Variants in SPMIP4 observed in about 807,000 individuals in gnomAD.
The protein encoded by SPMIP4 is sperm-associated microtubule inner protein 4.
chr7:25,128,930 T>G, the SPMIP4 span, among the ~76,000 whole-genome samples: 2 of 152,200 alleles, frequency 1.3e-5, no homozygotes, highest in African/African-American at 4.8e-5. This position sits in a 1 kb window ranked among gnomAD's most constrained non-coding sequence, Gnocchi z 4.5. Context: ...CTCTAGAAAT[T>G]TCATGTGGGG....
At chr7:25,150,025 T>C in the SPMIP4 span, among the ~76,000 whole-genome samples, 1 of 152,120 alleles carries the variant, frequency 6.6e-6, no homozygotes, top group Non-Finnish European at 1.5e-5. Flanking sequence ...CAGAGAGGCC[T>C]TGGGAGGAGG....
the SPMIP4 span, among the ~76,000 whole-genome samples, chr7:25,152,051 TTAACCC>T: frequency 6.6e-6 from 1 of 152,322 alleles, no homozygotes. Flanking sequence ...GAATGAGTCT[TTAACCC>T]TAGTGCTCTC....
chr7:25,139,415 T>TA, the SPMIP4 span, among the ~76,000 whole-genome samples: 15 of 152,078 alleles, frequency 9.9e-5, no homozygotes, highest in Non-Finnish European at 1.5e-4. Flanking sequence ...TTTTTTTTTT[T>TA]ACTTTTCTGT....
the SPMIP4 span, among the ~76,000 whole-genome samples, chr7:25,162,001 T>C: frequency 2.0e-5 from 3 of 152,114 alleles, no homozygotes; most frequent in African/African-American, 7.2e-5. Context: ...CTGGGAGTGG[T>C]GGCTCACGCC....
the SPMIP4 span, chr7:25,136,518 A>G: frequency 6.2e-7 from 1 of 1,614,196 alleles, no homozygotes; most frequent in Non-Finnish European, 8.5e-7. This position sits in a 1 kb window ranked among gnomAD's most constrained non-coding sequence, Gnocchi z 5.7. Context: ...ATGGGAGTTC[A>G]TAGGTAGACA....
the SPMIP4 span, among the ~76,000 whole-genome samples, chr7:25,177,654 G>A: frequency 6.6e-6 from 1 of 152,110 alleles, no homozygotes; most frequent in Non-Finnish European, 1.5e-5. Flanking sequence ...TTACTTGTGT[G>A]TATCTGTTAT....
chr7:25,159,701 A>C, the SPMIP4 span, among the ~76,000 whole-genome samples: 2 of 152,196 alleles, frequency 1.3e-5, no homozygotes, highest in Non-Finnish European at 2.9e-5. Flanking sequence ...ATGAACTATA[A>C]AAGTTTATAT....
the SPMIP4 span, among the ~76,000 whole-genome samples, chr7:25,166,217 T>C: frequency 2.5e-5 from 3 of 121,726 alleles, no homozygotes. Flanking sequence ...TGCTCTTTTT[T>C]CTTTCTTTCC....
the SPMIP4 span, among the ~76,000 whole-genome samples, chr7:25,158,705 G>A: frequency 6.6e-6 from 1 of 151,874 alleles, no homozygotes; most frequent in African/African-American, 2.4e-5. Context: ...TTCGAGACCA[G>A]CCTGGGCAAC....
chr7:25,151,246 A>C, the SPMIP4 span, among the ~76,000 whole-genome samples: 89,872 of 150,040 alleles, frequency 0.6, 28,090 homozygotes, highest in Non-Finnish European at 0.69. Flanking sequence ...TTTTTTAAAC[A>C]GAGTTCACTC....
the SPMIP4 span, among the ~76,000 whole-genome samples, chr7:25,167,807 T>C: frequency 6.6e-6 from 1 of 152,246 alleles, no homozygotes; most frequent in East Asian, 1.9e-4. Flanking sequence ...CAGATTTTTT[T>C]CTGCTTTCTG....
chr7:25,147,727 T>C, the SPMIP4 span, among the ~76,000 whole-genome samples: 1 of 152,244 alleles, frequency 6.6e-6, no homozygotes, highest in Non-Finnish European at 1.5e-5. Flanking sequence ...CAACAAAGTA[T>C]TATAACCATT....
the SPMIP4 span, among the ~76,000 whole-genome samples, chr7:25,159,702 A>G: frequency 6.6e-6 from 1 of 152,184 alleles, no homozygotes; most frequent in Non-Finnish European, 1.5e-5. Context: ...TGAACTATAA[A>G]AGTTTATATC....
chr7:25,127,781 G>A, the SPMIP4 span, among the ~76,000 whole-genome samples: 1 of 152,094 alleles, frequency 6.6e-6, no homozygotes, highest in Admixed American at 6.5e-5. Context: ...TGAAGAGTTA[G>A]GTATTTATTA....
chr7:25,139,172 A>C, the SPMIP4 span, among the ~76,000 whole-genome samples: 4 of 152,320 alleles, frequency 2.6e-5, no homozygotes, highest in South Asian at 8.3e-4. Context: ...AGAAAAAAAA[A>C]CCGCAAACAA....
the SPMIP4 span, among the ~76,000 whole-genome samples, chr7:25,160,626 A>C: frequency 6.6e-6 from 1 of 152,244 alleles, no homozygotes; most frequent in Non-Finnish European, 1.5e-5. Flanking sequence ...TAAAAATAAA[A>C]ATGTATGCTT....
the SPMIP4 span, among the ~76,000 whole-genome samples, chr7:25,144,713 A>G: frequency 6.6e-6 from 1 of 152,188 alleles, no homozygotes; most frequent in Non-Finnish European, 1.5e-5. Flanking sequence ...GAAGGCCAGA[A>G]CTGGCCCTCT....
the SPMIP4 span, among the ~76,000 whole-genome samples, chr7:25,147,022 A>C: frequency 6.6e-5 from 10 of 152,278 alleles, no homozygotes; most frequent in South Asian, 2.1e-3. Context: ...TGGGCCACAC[A>C]CAGTGGCTCA....
the SPMIP4 span, chr7:25,136,460 A>G: frequency 6.2e-7 from 1 of 1,614,178 alleles, no homozygotes. The surrounding 1 kb of genome is among the most constrained non-coding windows in gnomAD (Gnocchi z 5.7). Context: ...ATTTTTGGAA[A>G]TGGCTTTATG....
Sources: allele counts gnomAD v4.1 joint callset (sites outside exome capture counted in the v4.1 genomes callset), GRCh38; gene constraint gnomAD v4.1.1; non-coding constraint Gnocchi (gnomAD v3.1); transcripts MANE v1.5; gene names NCBI Gene and HGNC (gene_info 2026-07-23, HGNC 2026-07-21).